The following SF3A3 variants were observed in gnomAD, a reference collection of about 807,000 sequenced individuals.
SF3A3 encodes the protein SAP 61.
Under a neutral mutation model 85.8 loss-of-function variants are expected in SF3A3, and 9 were observed. The observed-to-expected ratio is 0.10, with a 90% CI of 0.06 to 0.18. SF3A3 has a LOEUF of 0.18. SF3A3 is among the 10% of genes least tolerant of loss of function. SF3A3 has a pLI of 1.00. For synonymous variants in SF3A3, 195 were observed against 204.4 expected (o/e 0.95, Z 0.39); for missense variants, 306 against 593.3 (o/e 0.52, Z 5.03).
intron 12 of SF3A3, among the ~76,000 whole-genome samples, chr1:37,973,030 T>C (rs1646354124): frequency 6.6e-6 from 1 of 151,758 alleles, no homozygotes; most frequent in African/African-American, 2.4e-5. Context: ...ATACACAAAA[T>C]TAACTGGGCA....
chr1:37,989,828 G>A (rs1300715299), intron 1 of SF3A3, 42 bp downstream of exon 1: 3 of 1,490,474 alleles, frequency 2.0e-6, no homozygotes, highest in African/African-American at 1.4e-5. Flanking sequence ...ACGGGATAGA[G>A]GCTCGTGCTC....
rs987452348 is a variant in SF3A3 at position 37,984,158 on chromosome 1, C to T, written c.468+11G>A. ...AGAATCAGAACCTCTCTGCCCTTTC[C>T]CAGGCCTTACCTCAGATGCCTTCAG... is the stretch of plus-strand genomic sequence containing the variant. On this transcript the variant is annotated intron_variant, in intron 6 of 16. Coordinates refer to ENST00000373019, the MANE Select transcript of SF3A3 (RefSeq NM_006802.4). 3.2e-6 allele frequency: 5 copies of T among 1,542,844 alleles called. No homozygotes were observed. Among genetic ancestry groups the T allele is most frequent in the South Asian group, 2.3e-5 (2 of 87,872 alleles).
intron 8 of SF3A3, among the ~76,000 whole-genome samples, chr1:37,979,773 CTT>C (rs888908332): frequency 1.3e-5 from 2 of 152,136 alleles, no homozygotes; most frequent in African/African-American, 4.8e-5. Flanking sequence ...GGGAAGATCT[CTT>C]GAGCCCACAA....
At chr1:37,983,643 T>G (rs1021638484) in intron 6 of SF3A3, among the ~76,000 whole-genome samples, 4 of 143,116 alleles carry the variant, frequency 2.8e-5, no homozygotes, top group African/African-American at 1.1e-4. Context: ...ATGCTTGCTG[T>G]ATTGATAATG....
At chr1:37,979,614 G>A in intron 8 of SF3A3, 81 bp from the exon 9 acceptor site, 1 of 1,051,616 alleles carries the variant, frequency 9.5e-7, no homozygotes, top group Non-Finnish European at 1.4e-6. Context: ...TCAGCATTTT[G>A]GGAGGCCAAG....
intron 6 of SF3A3, 172 bp downstream of exon 6, chr1:37,983,997 T>C (rs1199498321): frequency 2.2e-6 from 1 of 445,610 alleles, no homozygotes; most frequent in South Asian, 6.0e-5. Context: ...TAGAAAACTT[T>C]CATTTTGAAT....
chr1:37,963,949 A>G (rs1313478611), intron 15 of SF3A3, among the ~76,000 whole-genome samples: 2 of 150,656 alleles, frequency 1.3e-5, no homozygotes, highest in African/African-American at 4.9e-5. Context: ...TGGGAGGCCA[A>G]GGCGGGCAGA....
At chr1:37,985,792 G>T (rs918337755) in intron 4 of SF3A3, among the ~76,000 whole-genome samples, 2 of 151,898 alleles carry the variant, frequency 1.3e-5, no homozygotes, top group South Asian at 2.1e-4. Context: ...TGTGTGTGAG[G>T]GTCCCTTCAT....
At chr1:37,968,230 T>C (rs1372332479) in intron 14 of SF3A3, 96 bp from the exon 15 acceptor site, 2 of 752,430 alleles carry the variant, frequency 2.7e-6, no homozygotes, top group East Asian at 5.0e-5. Context: ...ACATGGCCCT[T>C]TGCAAGACTC....
At position 37,987,767 on chromosome 1, in the gene SF3A3, C is replaced by T; in HGVS notation, c.197+17G>A. The T allele has an allele frequency of 1.2e-6, 2 of 1,610,670 alleles. No individual in the cohort carries two copies. Among genetic ancestry groups the T allele is most frequent in the Non-Finnish European group, 1.7e-6 (2 of 1,176,852 alleles). On this transcript the variant is annotated intron_variant, in intron 3 of 16. Transcript: ENST00000373019. Reference sequence around the variant, plus strand: ...TCAGAAGCACTAACTCCTGGATTAGCTGTGACTGTCACTTACCCATCCTTA... The same window carrying T: ...TCAGAAGCACTAACTCCTGGATTAGTTGTGACTGTCACTTACCCATCCTTA...
Position 37,971,658 on chromosome 1 carries a change from A to C in SF3A3, c.1006-1923T>G, listed in dbSNP as rs1184796636. 2.0e-5 allele frequency among the ~76,000 whole-genome samples: 3 copies of C among 152,212 alleles called. No individual in the cohort carries two copies. The East Asian group carries it at 5.8e-4, about 29-fold the overall frequency. Reference sequence around the variant, plus strand: ...GCAGCACATCAAAAACTTATCCACCATGATCAAGTTGGCTTCATCCCTGTG... The same window carrying C: ...GCAGCACATCAAAAACTTATCCACCCTGATCAAGTTGGCTTCATCCCTGTG... On this transcript the variant is annotated intron_variant, in intron 12 of 16. Transcript: ENST00000373019.
chr1:37,988,857 TTGTGTGTG>T (rs547811229), intron 2 of SF3A3, among the ~76,000 whole-genome samples: 8 of 146,762 alleles, frequency 5.5e-5, no homozygotes, highest in East Asian at 2.0e-4. Flanking sequence ...ACGGGGTGTG[TTGTGTGTG>T]TGTGTGTGTG....
intron 12 of SF3A3, among the ~76,000 whole-genome samples, chr1:37,969,942 T>A (rs1646327002): frequency 6.6e-6 from 1 of 152,188 alleles, no homozygotes; most frequent in Non-Finnish European, 1.5e-5. Flanking sequence ...AGGTTTTACA[T>A]CACTTGCCTA....
At chr1:37,971,728 T>G (rs986488116) in intron 12 of SF3A3, among the ~76,000 whole-genome samples, 27 of 152,100 alleles carry the variant, frequency 1.8e-4, no homozygotes, top group Admixed American at 1.6e-3. Flanking sequence ...ACGTAATCCA[T>G]CATATAAACA....
At chr1:37,979,377 C>A in intron 9 of SF3A3, 88 bp downstream of exon 9, 1 of 1,040,230 alleles carries the variant, frequency 9.6e-7, no homozygotes. Flanking sequence ...CTTATCACAA[C>A]ACAACCATGG....
At chr1:37,979,949 C>T (rs1206879272) in intron 8 of SF3A3, among the ~76,000 whole-genome samples, 1 of 152,188 alleles carries the variant, frequency 6.6e-6, no homozygotes, top group Non-Finnish European at 1.5e-5. Flanking sequence ...CATTCTCTCC[C>T]TGGAGAGTTC....
At chr1:37,969,028 TG>T (rs948605944) in intron 14 of SF3A3, among the ~76,000 whole-genome samples, 100 of 152,224 alleles carry the variant, frequency 6.6e-4, no homozygotes, top group African/African-American at 2.4e-3. Context: ...GTATTAGCAA[TG>T]GGGTAGAGAA....
chr1:37,976,372 C>G (rs2148720763), intron 12 of SF3A3, among the ~76,000 whole-genome samples: 1 of 152,306 alleles, frequency 6.6e-6, no homozygotes, highest in East Asian at 1.9e-4. Flanking sequence ...CCAACCCACA[C>G]TTCAGCTCCT....
At chr1:37,962,102 CA>C (rs1447493322) in intron 15 of SF3A3, among the ~76,000 whole-genome samples, 1 of 147,416 alleles carries the variant, frequency 6.8e-6, no homozygotes, top group African/African-American at 2.5e-5. Context: ...CAAAACAAAA[CA>C]AAACAAAACA....
Sources: allele counts gnomAD v4.1 joint callset (sites outside exome capture counted in the v4.1 genomes callset), GRCh38; gene constraint gnomAD v4.1.1; transcripts MANE v1.5; gene names NCBI Gene and HGNC (gene_info 2026-07-23, HGNC 2026-07-21).